The following CAPN10 variants were observed in gnomAD, a reference collection of about 807,000 sequenced individuals.
The protein encoded by CAPN10 is calpain 10.
CAPN10 carries 71 observed loss-of-function variants against 78.4 expected under a neutral mutation model. The observed-to-expected ratio is 0.91, with a 90% CI of 0.75 to 1.10. CAPN10 has a LOEUF of 1.10. Among genes scored for constraint, CAPN10 ranks in the 50% least tolerant of loss-of-function variants. CAPN10 has a pLI of 0.00. For synonymous variants in CAPN10, 437 were observed against 407.2 expected (o/e 1.07, Z -0.88); for missense variants, 849 against 924.6 (o/e 0.92, Z 1.06).
chr2:240,589,418 T>C lies in CAPN10; in HGVS notation c.217T>C (p.Cys73Arg). The C allele has an allele frequency of 3.1e-6, 5 of 1,614,012 alleles. No homozygotes were observed. Among genetic ancestry groups the C allele is most frequent in the Non-Finnish European group, 4.2e-6 (5 of 1,180,022 alleles). ...GQVKQGLLGD[C>R]WFLCACAALQ... ...GGTGAAGCAGGGGCTGCTGGGGGAT[T>C]GCTGGTTCCTGTGTGCCTGCGCCGC... Residue 73 changes from cysteine (C) to arginine (R), a missense_variant, in exon 2 of 12, where the codon TGC becomes CGC. Physicochemically the swap from Cys to Arg is radical, Grantham distance 180 (BLOSUM62 -3). Transcript: ENST00000391984.
chr2:240,596,303 C>G lies in CAPN10; in HGVS notation c.1279-16C>G, dbSNP rs751423611. 1 of 1,593,520 alleles carries G rather than the reference C, an allele frequency of 6.3e-7. No homozygotes were observed. Among genetic ancestry groups the G allele is most frequent in the Admixed American group, 1.7e-5 (1 of 59,360 alleles). On this transcript the variant is annotated splice_polypyrimidine_tract_variant and intron_variant, in intron 7 of 11. Coordinates refer to ENST00000391984, the MANE Select transcript of CAPN10 (RefSeq NM_023083.4). Reference sequence around the variant, plus strand: ...CGGCCGCTCCTCCACACTGAGCCTCCTGCACGTGCTCACAGGTAGAGAAGC... The same window carrying G: ...CGGCCGCTCCTCCACACTGAGCCTCGTGCACGTGCTCACAGGTAGAGAAGC...
At chr2:240,594,167 G>A in intron 5 of CAPN10, 120 bp downstream of exon 5, 1 of 1,076,658 alleles carries the variant, frequency 9.3e-7, no homozygotes, top group Non-Finnish European at 1.3e-6. Context: ...CAAGGCCCCT[G>A]AGTCCCTGCT....
Position 240,594,961 on chromosome 2 carries a change from A to G in CAPN10, c.998-63A>G, listed in dbSNP as rs939043601. ...AGACCCTGCCAGGGTTCATGAGGCC[A>G]CCATGGCGGGAGGCCAGCGAGGAGC... On this transcript the variant is annotated intron_variant, in intron 6 of 11. Coordinates refer to ENST00000391984, the MANE Select transcript of CAPN10 (RefSeq NM_023083.4). 3.2e-6 allele frequency: 5 copies of G among 1,560,652 alleles called. No homozygotes were observed. The African/African-American group carries it at 6.8e-5, about 21-fold the overall frequency.
intron 3 of CAPN10, 67 bp from the exon 4 acceptor site, chr2:240,591,866 A>T: frequency 7.0e-7 from 1 of 1,433,186 alleles, no homozygotes; most frequent in Non-Finnish European, 9.7e-7. Context: ...GCTACAGACC[A>T]TGGGAATCAG....
chr2:240,589,857 C>T, intron 2 of CAPN10: 1 of 191,826 alleles, frequency 5.2e-6, no homozygotes, highest in South Asian at 1.5e-4. Context: ...GGTTTTCTTA[C>T]AGGTTTTGAA....
At chr2:240,594,959 C>T in intron 6 of CAPN10, 65 bp from the exon 7 acceptor site, 1 of 1,552,716 alleles carries the variant, frequency 6.4e-7, no homozygotes, top group Non-Finnish European at 8.8e-7. Context: ...GTTCATGAGG[C>T]CACCATGGCG....
intron 4 of CAPN10, chr2:240,592,615 C>T (rs975904683): frequency 1.7e-5 from 7 of 402,514 alleles, no homozygotes; most frequent in Non-Finnish European, 3.6e-5. Flanking sequence ...TCAAGAGACC[C>T]GCCTGGGCAA....
intron 6 of CAPN10, 112 bp downstream of exon 6, chr2:240,594,821 G>A: frequency 7.8e-7 from 1 of 1,275,172 alleles, no homozygotes; most frequent in Non-Finnish European, 1.1e-6. Context: ...CTTCAGCGTG[G>A]AGAGATGATT....
In CAPN10 at chr2:240,598,802, C is replaced by A; in HGVS notation, c.*122C>A. Reference sequence around the variant, plus strand: ...TCCTGAGTCTTGGCCTGCCTCCCAGCCCTGCCAGGAGGCTGCGGCCTAGGG... The same window carrying A: ...TCCTGAGTCTTGGCCTGCCTCCCAGACCTGCCAGGAGGCTGCGGCCTAGGG... On this transcript the variant is annotated 3_prime_UTR_variant, in exon 12 of 12. Transcript: ENST00000391984. 2.0e-6 allele frequency: 2 copies of A among 976,456 alleles called. No homozygotes were observed. The highest frequency in any genetic ancestry group is 3.2e-6 in the Non-Finnish European group (2 of 630,824). The allele number at this position is 976,456 out of a possible 1,614,324, so 60.5% of individuals were successfully genotyped here.
rs368964748 is a variant in CAPN10 at position 240,591,938 on chromosome 2, A to G, written c.476A>G (p.His159Arg). ...ATGGTGATTGTGTCCCCTAGGGTCC[A>G]TGGGTCCTACGAGCACCTGTGGGCC... ...PLLEKVYAKV[H>R]GSYEHLWAGQ... Residue 159 changes from histidine (H) to arginine (R), a missense_variant, in exon 4 of 12, where the codon CAT (histidine) becomes CGT (arginine). By Grantham distance (29) the His-to-Arg change is conservative (BLOSUM62 0). Coordinates refer to ENST00000391984, the MANE Select transcript of CAPN10 (RefSeq NM_023083.4). 8.1e-6 allele frequency: 13 copies of G among 1,612,914 alleles called. No homozygotes were observed. Among genetic ancestry groups the G allele is most frequent in the Non-Finnish European group, 1.1e-5 (13 of 1,179,792 alleles).
chr2:240,587,187 G>A (rs963822713), intron 1 of CAPN10, 135 bp downstream of exon 1: 31 of 427,546 alleles, frequency 7.3e-5, no homozygotes, highest in Non-Finnish European at 1.1e-4. Flanking sequence ...AGAAGTGGGC[G>A]CCCGGCCCCC....
intron 2 of CAPN10, 130 bp from the exon 3 acceptor site, chr2:240,590,685 G>A (rs1010519056): frequency 2.6e-5 from 18 of 692,390 alleles, no homozygotes; most frequent in East Asian, 1.1e-4. Context: ...CCAGGTGTGC[G>A]TTAGAGTTCT....
rs759781981 is a variant in CAPN10 at position 240,589,475 on chromosome 2, G to T, written c.273+1G>T. On this transcript the variant is annotated splice_donor_variant, in intron 2 of 11. Coordinates refer to ENST00000391984, the MANE Select transcript of CAPN10 (RefSeq NM_023083.4). LOFTEE classifies it high-confidence loss of function. Reference sequence around the variant, plus strand: ...GAAGAGCAGGCACCTCCTGGACCAGGTGCGGGGCCCCTTCCCTGTGTTTGT... The same window carrying T: ...GAAGAGCAGGCACCTCCTGGACCAGTTGCGGGGCCCCTTCCCTGTGTTTGT... 6 of 1,610,438 alleles carry T rather than the reference G, an allele frequency of 3.7e-6. No homozygotes were observed. The African/African-American group carries it at 8.0e-5, about 22-fold the overall frequency.
At position 240,589,382 on chromosome 2, in the gene CAPN10, C is replaced by G; in HGVS notation, c.181C>G (p.Arg61Gly). ...ATPRLFPDDP[R>G]EGQVKQGLLG... ...ACCCCGGCTGTTTCCAGATGACCCA[C>G]GGGAAGGGCAGGTGAAGCAGGGGCT... The change falls in exon 2 of 12, where the codon CGG becomes GGG. Residue 61 changes from arginine (R) to glycine (G), a missense_variant. Physicochemically the swap from Arg to Gly is moderately radical, Grantham distance 125. Coordinates refer to ENST00000391984, the MANE Select transcript of CAPN10 (RefSeq NM_023083.4). 6.2e-7 allele frequency: 1 copy of G among 1,614,154 alleles called. No individual in the cohort carries two copies. Among genetic ancestry groups the G allele is most frequent in the South Asian group, 1.1e-5 (1 of 91,086 alleles).
chr2:240,587,424 C>G (rs936350414), intron 1 of CAPN10, among the ~76,000 whole-genome samples: 1 of 152,252 alleles, frequency 6.6e-6, no homozygotes, highest in Non-Finnish European at 1.5e-5. Flanking sequence ...GCTCGTGCCC[C>G]TCTGAAGTGG....
chr2:240,593,769 G>T (rs2093117876), intron 4 of CAPN10, 137 bp from the exon 5 acceptor site: 5 of 998,664 alleles, frequency 5.0e-6, no homozygotes, highest in Admixed American at 2.5e-5. Context: ...GGTCCATGGG[G>T]ATCTGGGGTC....
In CAPN10 at chr2:240,596,684, C is replaced by T; in HGVS notation, c.1485C>T (p.Ala495=). The T allele has an allele frequency of 6.5e-7, 1 of 1,546,252 alleles. No homozygotes were observed. Among genetic ancestry groups the T allele is most frequent in the Non-Finnish European group, 8.7e-7 (1 of 1,146,082 alleles). Residue 495 remains alanine, a synonymous_variant, in exon 9 of 12, where the codon GCC becomes GCT. Transcript: ENST00000391984. ...VFSTGRVSLS[A]IRAVAKNTTP... is the part of the protein sequence containing the mutation. ...CCCATGTTTGTCTTCTTGGCAGCGC[C>T]ATCAGGGCAGTGGCCAAGAACACCA...
rs779342230 is a variant in CAPN10 at position 240,591,964 on chromosome 2, G to C, written c.502G>C (p.Gly168Arg). 1 of 1,613,468 alleles carries C rather than the reference G, an allele frequency of 6.2e-7. No homozygotes were observed. The highest frequency in any genetic ancestry group is 8.5e-7 in the Non-Finnish European group (1 of 1,179,962). Residue 168 changes from glycine (G) to arginine (R), a missense_variant, in exon 4 of 12, where the codon GGG (glycine) becomes CGG (arginine). Transcript: ENST00000391984. Reference sequence around the variant, plus strand: ...TGGGTCCTACGAGCACCTGTGGGCCGGGCAGGTGGCGGATGCCCTGGTGGA... The same window carrying C: ...TGGGTCCTACGAGCACCTGTGGGCCCGGCAGGTGGCGGATGCCCTGGTGGA... ...VHGSYEHLWA[G>R]QVADALVDLT...
chr2:240,595,433 T>G, intron 7 of CAPN10, 129 bp downstream of exon 7: 2 of 1,019,458 alleles, frequency 2.0e-6, no homozygotes, highest in Non-Finnish European at 2.9e-6. Context: ...GTCTCCCCCC[T>G]CCTTGGGCTG....
Sources: gnomAD v4.1 joint callset for allele counts (sites outside exome capture counted in the v4.1 genomes callset) on GRCh38, gnomAD v4.1.1 for gene constraint, MANE v1.5 for transcripts, NCBI Gene and HGNC (gene_info 2026-07-23, HGNC 2026-07-21) for gene names.